XPR1: variants seen among roughly 807,000 people sequenced by gnomAD.
XPR1 encodes solute carrier family 53 member 1.
XPR1 carries 28 observed loss-of-function variants against 87.5 expected under a neutral mutation model. The ratio of observed to expected loss-of-function variants is 0.32; its 90% CI spans 0.24 to 0.44. The LOEUF is 0.44. Among genes scored for constraint, XPR1 ranks in the 20% least tolerant of loss-of-function variants. The probability of loss-of-function intolerance (pLI) is 1.00; values close to 1 mark genes in which losing one functional copy is unlikely to be tolerated. For synonymous variants in XPR1, 300 were observed against 306.1 expected, an observed-to-expected ratio of 0.98 and a Z score of 0.21; for missense variants, 559 against 862.3, an observed-to-expected ratio of 0.65 and a Z score of 4.41.
intron 1 of XPR1, among the ~76,000 whole-genome samples, chr1:180,678,533 G>T (rs1035151776): frequency 8.5e-5 from 13 of 152,110 alleles, no homozygotes; most frequent in African/African-American, 3.1e-4. Context: ...TTCAAATTCT[G>T]TATAAGTAGT....
At chr1:180,803,727 A>G in intron 4 of XPR1, 116 bp downstream of exon 4, 1 of 830,124 alleles carries the variant, frequency 1.2e-6, no homozygotes, top group East Asian at 2.6e-5. Flanking sequence ...AATCCTTAAC[A>G]TGTTGTTATT....
At position 180,806,430 on chromosome 1, in the gene XPR1, A is replaced by G. The variant is rs1298060364; in HGVS notation, c.598-44A>G. Reference sequence around the variant, plus strand: ...TACAGAATTATTTGTGCATCACTCAAGTTTAGTATAACCTAACCAAAATGT... The same window carrying G: ...TACAGAATTATTTGTGCATCACTCAGGTTTAGTATAACCTAACCAAAATGT... On this transcript the variant is annotated intron_variant, in intron 5 of 14. Coordinates refer to ENST00000367590, the MANE Select transcript of XPR1 (RefSeq NM_004736.4). 4 of 1,595,588 alleles carry G rather than the reference A, an allele frequency of 2.5e-6. No individual in the cohort carries two copies. In the African/African-American group the frequency reaches 4.0e-5, roughly 16 times the overall value.
chr1:180,786,504 G>T (rs910675109), intron 2 of XPR1, among the ~76,000 whole-genome samples: 1 of 152,038 alleles, frequency 6.6e-6, no homozygotes, highest in African/African-American at 2.4e-5. Flanking sequence ...TTTTATTAGC[G>T]TCTAGAGAGT....
At chr1:180,665,766 A>G (rs1210833609) in intron 1 of XPR1, among the ~76,000 whole-genome samples, 1 of 152,110 alleles carries the variant, frequency 6.6e-6, no homozygotes, top group African/African-American at 2.4e-5. Context: ...GCAATTCAAG[A>G]TTGTCCGTCC....
At chr1:180,678,110 T>C (rs572989771) in intron 1 of XPR1, among the ~76,000 whole-genome samples, 1 of 152,318 alleles carries the variant, frequency 6.6e-6, no homozygotes, top group African/African-American at 2.4e-5. Context: ...GAGAGATGCA[T>C]AGTGCAAGAT....
chr1:180,776,099 G>A (rs1648705677), intron 2 of XPR1, among the ~76,000 whole-genome samples: 1 of 152,126 alleles, frequency 6.6e-6, no homozygotes, highest in Non-Finnish European at 1.5e-5. Flanking sequence ...AAGAAAGTGA[G>A]TAACAGGGTA....
intron 2 of XPR1, among the ~76,000 whole-genome samples, chr1:180,769,043 T>G (rs1403330237): frequency 6.6e-6 from 1 of 152,076 alleles, no homozygotes; most frequent in Non-Finnish European, 1.5e-5. Context: ...TCTCAAATTG[T>G]CTGCAGCAAA....
At chr1:180,656,399 A>ATATAT (rs1557941215) in intron 1 of XPR1, among the ~76,000 whole-genome samples, 5 of 40,404 alleles carry the variant, frequency 1.2e-4, no homozygotes, top group Admixed American at 4.6e-4. Context: ...ATTTATATAT[A>ATATAT]AATATTTATA....
intron 1 of XPR1, among the ~76,000 whole-genome samples, chr1:180,645,874 T>C (rs1448204532): frequency 6.6e-6 from 1 of 152,220 alleles, no homozygotes; most frequent in Non-Finnish European, 1.5e-5. Flanking sequence ...GAAAGCCGTC[T>C]AGTCATGGCA....
At chr1:180,831,810 G>T (rs952245646) in intron 9 of XPR1, among the ~76,000 whole-genome samples, 1 of 152,032 alleles carries the variant, frequency 6.6e-6, no homozygotes, top group African/African-American at 2.4e-5. Flanking sequence ...TGGGCGTTTG[G>T]GTTGGTTCCA....
chr1:180,712,631 C>A, intron 2 of XPR1, among the ~76,000 whole-genome samples: 1 of 152,042 alleles, frequency 6.6e-6, no homozygotes, highest in Non-Finnish European at 1.5e-5. Flanking sequence ...TATGGTAAAA[C>A]CCCATCTCTA....
At chr1:180,767,071 C>T (rs1648314657) in intron 2 of XPR1, among the ~76,000 whole-genome samples, 1 of 152,148 alleles carries the variant, frequency 6.6e-6, no homozygotes, top group African/African-American at 2.4e-5. Context: ...CTCTCCATTC[C>T]TCACTTGACC....
intron 10 of XPR1, among the ~76,000 whole-genome samples, chr1:180,836,161 A>C (rs373011984): frequency 2.6e-5 from 4 of 152,010 alleles, no homozygotes; most frequent in African/African-American, 9.7e-5. Flanking sequence ...AAGTTTGAGA[A>C]CAGCCTGGGC....
chr1:180,865,698 A>G (rs1490938410), intron 12 of XPR1, among the ~76,000 whole-genome samples: 2 of 152,150 alleles, frequency 1.3e-5, no homozygotes, highest in African/African-American at 4.8e-5. Flanking sequence ...GCTTAGATAA[A>G]TTGTTTGTAT....
chr1:180,856,122 A>G (rs774245873), intron 11 of XPR1, among the ~76,000 whole-genome samples: 6 of 152,172 alleles, frequency 3.9e-5, no homozygotes, highest in African/African-American at 7.2e-5. Flanking sequence ...TCAAAACAGT[A>G]ATCTATCTAT....
chr1:180,759,392 A>G (rs1647900137), intron 2 of XPR1, among the ~76,000 whole-genome samples: 1 of 152,260 alleles, frequency 6.6e-6, no homozygotes, highest in Non-Finnish European at 1.5e-5. Flanking sequence ...AAGAAAAGAG[A>G]GAAGAATCAG....
In XPR1 at chr1:180,888,967, G is replaced by A. The variant is rs1286415086; in HGVS notation, c.*4901G>A. The stretch of plus-strand genomic sequence containing the variant: ...CTAAGGTAGTCCATACAGGAAGTTT[G>A]CCTGAGAACAGAGAGGAGCCTGTTG... On this transcript the variant is annotated 3_prime_UTR_variant, in exon 15 of 15. Coordinates refer to ENST00000367590, the MANE Select transcript of XPR1 (RefSeq NM_004736.4). 6.6e-6 allele frequency: 1 copy of A among 152,208 alleles called. No individual in the cohort carries two copies. The highest frequency in any genetic ancestry group is 2.4e-5 in the African/African-American group (1 of 41,450). 9.4% of individuals were successfully genotyped at this position (152,208 alleles called of 1,614,324 possible).
intron 2 of XPR1, among the ~76,000 whole-genome samples, chr1:180,761,338 A>G (rs927661149): frequency 5.3e-5 from 8 of 152,232 alleles, no homozygotes; most frequent in Non-Finnish European, 1.2e-4. Context: ...CAGGCAACCT[A>G]CAAAGTGGGA....
At chr1:180,840,229 C>CAAA (rs5779073) in intron 11 of XPR1, among the ~76,000 whole-genome samples, 1 of 66,828 alleles carries the variant, frequency 1.5e-5, no homozygotes, top group East Asian at 4.2e-4. Context: ...GACTCTGTCT[C>CAAA]AAAAAAAAAA....
Sources: allele counts gnomAD v4.1 joint callset (sites outside exome capture counted in the v4.1 genomes callset), GRCh38; gene constraint gnomAD v4.1.1; transcripts MANE v1.5; gene names NCBI Gene and HGNC (gene_info 2026-07-23, HGNC 2026-07-21).